The following HSD17B12 variants were observed in gnomAD, a reference collection of about 807,000 sequenced individuals.
HSD17B12 encodes the protein very-long-chain 3-oxoacyl-CoA reductase.
HSD17B12 carries 32 observed loss-of-function variants against 39.3 expected under a neutral mutation model. The ratio of observed to expected loss-of-function variants is 0.81; its 90% CI spans 0.61 to 1.09. HSD17B12 has a LOEUF of 1.09. Among genes scored for constraint, HSD17B12 ranks in the 50% least tolerant of loss-of-function variants. The pLI is 0.00. For missense variants in HSD17B12, 342 were observed against 382.9 expected (o/e 0.89, Z 0.89); for synonymous variants, 150 against 146.7 (o/e 1.02, Z -0.16).
At chr11:43,765,639 G>A (rs1950588806) in intron 3 of HSD17B12, among the ~76,000 whole-genome samples, 1 of 151,982 alleles carries the variant, frequency 6.6e-6, no homozygotes, top group South Asian at 2.1e-4. Context: ...ACCCACTGAT[G>A]CTGTCTTTAG....
chr11:43,732,110 T>TAGTGA (rs1950273401), intron 1 of HSD17B12, among the ~76,000 whole-genome samples: 2 of 152,172 alleles, frequency 1.3e-5, no homozygotes, highest in African/African-American at 4.8e-5. Flanking sequence ...ACCTCCATGC[T>TAGTGA]GTTCTCCTGA....
At chr11:43,843,909 C>T (rs531548079) in intron 9 of HSD17B12, among the ~76,000 whole-genome samples, 47 of 152,266 alleles carry the variant, frequency 3.1e-4, no homozygotes, top group African/African-American at 9.1e-4. Context: ...GTGTTGCTGG[C>T]GGCACTTGTT....
the HSD17B12 span, among the ~76,000 whole-genome samples, chr11:43,638,438 G>GGAAA: frequency 0.095 from 14,462 of 152,044 alleles, 1,327 homozygotes; most frequent in African/African-American, 0.24. Flanking sequence ...AAAGAGGAAG[G>GGAAA]GAAAGAGGCA....
chr11:43,636,008 G>A, the HSD17B12 span, among the ~76,000 whole-genome samples: 7 of 152,260 alleles, frequency 4.6e-5, no homozygotes, highest in East Asian at 5.8e-4. Context: ...CTTCAATGGT[G>A]TTGACTTTAG....
intron 1 of HSD17B12, among the ~76,000 whole-genome samples, chr11:43,734,985 C>T (rs1310806494): frequency 6.6e-6 from 1 of 152,188 alleles, no homozygotes; most frequent in Non-Finnish European, 1.5e-5. Context: ...CCTCTATGGA[C>T]TTACCTATTT....
At chr11:43,723,230 A>G (rs1401298975) in intron 1 of HSD17B12, among the ~76,000 whole-genome samples, 1 of 152,212 alleles carries the variant, frequency 6.6e-6, no homozygotes, top group East Asian at 1.9e-4. Flanking sequence ...GGCAAGATTG[A>G]ATAAGGTGAA....
chr11:43,577,840 A>G, the HSD17B12 span, among the ~76,000 whole-genome samples: 5 of 152,172 alleles, frequency 3.3e-5, no homozygotes, highest in African/African-American at 1.2e-4. Flanking sequence ...AAGGAGTCTA[A>G]ATCAGCCTGA....
At chr11:43,694,232 A>G (rs1427110589) in intron 1 of HSD17B12, among the ~76,000 whole-genome samples, 1 of 152,162 alleles carries the variant, frequency 6.6e-6, no homozygotes, top group Non-Finnish European at 1.5e-5. Flanking sequence ...AGTGACTGGT[A>G]TAAGGGTTAC....
the HSD17B12 span, among the ~76,000 whole-genome samples, chr11:43,590,204 A>C: frequency 6.6e-6 from 1 of 152,026 alleles, no homozygotes; most frequent in African/African-American, 2.4e-5. Context: ...AATCTTACCA[A>C]GATTTTCCAG....
chr11:43,722,584 C>T lies in HSD17B12; in HGVS notation c.161-28327C>T, dbSNP rs1353986333. 3.9e-5 allele frequency among the ~76,000 whole-genome samples: 6 copies of T among 152,022 alleles called. No homozygotes were observed. In the South Asian group the frequency reaches 8.3e-4, roughly 21 times the overall value. On this transcript the variant is annotated intron_variant, in intron 1 of 10. Coordinates refer to ENST00000278353, the MANE Select transcript of HSD17B12 (RefSeq NM_016142.3). ...AGAATTGGCCAGGTGTGGTGGCTCA[C>T]ACCTGTAATCCCAGCACTTTGGGAG...
At chr11:43,576,588 C>G in the HSD17B12 span, 1 of 152,218 alleles carries the variant, frequency 6.6e-6, no homozygotes, top group African/African-American at 2.4e-5. Flanking sequence ...TTCTCTTTCT[C>G]TCTCTTAAGG....
intron 1 of HSD17B12, among the ~76,000 whole-genome samples, chr11:43,706,724 T>TGTGTGTGTGTGTGTTG (rs1204580097): frequency 2.5e-5 from 2 of 80,300 alleles, no homozygotes; most frequent in African/African-American, 8.9e-5. Context: ...GTGTGTGTTG[T>TGTGTGTGTGTGTGTTG]GGGGGGTGGG....
chr11:43,617,775 C>T, the HSD17B12 span, among the ~76,000 whole-genome samples: 2 of 152,038 alleles, frequency 1.3e-5, no homozygotes, highest in Admixed American at 6.6e-5. Context: ...TTCAAGTGCC[C>T]GTTCTACAGG....
intron 1 of HSD17B12, 134 bp downstream of exon 1, chr11:43,681,121 G>A: frequency 7.0e-7 from 1 of 1,421,296 alleles, no homozygotes; most frequent in Non-Finnish European, 9.2e-7. Flanking sequence ...CCTGTGCCCC[G>A]CGGGCCCCTC....
the HSD17B12 span, among the ~76,000 whole-genome samples, chr11:43,575,915 G>A: frequency 6.6e-6 from 1 of 152,186 alleles, no homozygotes; most frequent in African/African-American, 2.4e-5. The surrounding 1 kb of genome is among the most constrained non-coding windows in gnomAD (Gnocchi z 4.1). Flanking sequence ...CAAACACAAC[G>A]CGATTTTGCA....
chr11:43,572,877 T>A, the HSD17B12 span, among the ~76,000 whole-genome samples: 264 of 152,318 alleles, frequency 1.7e-3, 2 homozygotes, highest in African/African-American at 6.0e-3. Context: ...ACTTCCTCCC[T>A]GAGGGACTTC....
chr11:43,566,688 C>T, the HSD17B12 span, among the ~76,000 whole-genome samples: 1 of 152,170 alleles, frequency 6.6e-6, no homozygotes, highest in Non-Finnish European at 1.5e-5. Context: ...CACCGCCACG[C>T]CCGGCTAATT....
the HSD17B12 span, among the ~76,000 whole-genome samples, chr11:43,651,143 G>A: frequency 1.4e-4 from 22 of 152,226 alleles, no homozygotes; most frequent in African/African-American, 5.3e-4. Context: ...TGTTCAAAAA[G>A]GTATGTAAAA....
At chr11:43,580,037 C>G in the HSD17B12 span, among the ~76,000 whole-genome samples, 1 of 150,562 alleles carries the variant, frequency 6.6e-6, no homozygotes, top group Admixed American at 6.6e-5. Flanking sequence ...TCAGGACGTC[C>G]CTTAGCCCAC....
Sources: gnomAD v4.1 joint callset for allele counts (sites outside exome capture counted in the v4.1 genomes callset) on GRCh38, gnomAD v4.1.1 for gene constraint, Gnocchi (gnomAD v3.1) non-coding constraint, MANE v1.5 for transcripts, NCBI Gene and HGNC (gene_info 2026-07-23, HGNC 2026-07-21) for gene names.